Variants in SP140L observed in about 807,000 individuals in gnomAD.
SP140L encodes the protein SP140 like nuclear body protein.
In SP140L, 64 loss-of-function variants were observed where a neutral mutation model predicts 84.3. That is an observed-to-expected ratio of 0.76 (90% CI 0.62 to 0.94). The LOEUF is 0.94. Among genes scored for constraint, SP140L ranks in the 40% least tolerant of loss-of-function variants. The pLI, the probability that SP140L is intolerant of heterozygous loss-of-function variation, is 0.00. For missense variants in SP140L, 628 were observed against 692.5 expected (o/e 0.91, Z 1.05); for synonymous variants, 242 against 236.9 (o/e 1.02, Z -0.20).
chr2:230,376,339 G>A (rs766464611), intron 7 of SP140L, among the ~76,000 whole-genome samples: 4 of 152,170 alleles, frequency 2.6e-5, no homozygotes, highest in Middle Eastern at 3.4e-3. Context: ...TATCTTCTAC[G>A]TAGAAAACCC....
chr2:230,383,121 A>G (rs138310241), intron 7 of SP140L, among the ~76,000 whole-genome samples: 2 of 152,362 alleles, frequency 1.3e-5, no homozygotes, highest in African/African-American at 4.8e-5. Context: ...AATTTCCAGT[A>G]CAGAATATTA....
intron 7 of SP140L, among the ~76,000 whole-genome samples, chr2:230,373,659 A>G (rs1223645172): frequency 6.6e-6 from 1 of 152,244 alleles, no homozygotes; most frequent in Non-Finnish European, 1.5e-5. Flanking sequence ...GGAGGTATAC[A>G]AGGTGATTAA....
At chr2:230,356,169 T>C (rs143173642) in intron 2 of SP140L, among the ~76,000 whole-genome samples, 118 of 152,318 alleles carry the variant, frequency 7.7e-4, no homozygotes, top group Middle Eastern at 3.4e-3. Flanking sequence ...CCATCACTGG[T>C]AGTCTTTGCA....
In SP140L at chr2:230,377,187, G is replaced by A. The variant is rs1037304131; in HGVS notation, c.637+5536G>A. On this transcript the variant is annotated intron_variant, in intron 7 of 18. Coordinates refer to ENST00000415673, the MANE Select transcript of SP140L (RefSeq NM_138402.6). ...ACAACAGCTGATCTGTTTTCTGTTC[G>A]TTTGTCTTTTAAGAAATGAGGCCTC... 5.3e-5 allele frequency among the ~76,000 whole-genome samples: 8 copies of A among 152,032 alleles called. No homozygotes were observed. In the East Asian group the frequency reaches 5.8e-4, roughly 11 times the overall value.
At chr2:230,385,939 G>T (rs910877507) in intron 9 of SP140L, among the ~76,000 whole-genome samples, 6 of 152,320 alleles carry the variant, frequency 3.9e-5, no homozygotes, top group East Asian at 1.9e-4. Flanking sequence ...GTGAGAGAAA[G>T]GGGTGAGATC....
At chr2:230,374,717 A>G (rs115545257) in intron 7 of SP140L, among the ~76,000 whole-genome samples, 2,510 of 152,306 alleles carry the variant, frequency 0.016, 34 homozygotes, top group Middle Eastern at 0.031. Flanking sequence ...ACCCTTTACC[A>G]GCAAAGAAAT....
rs2061538849 is a variant in SP140L, at chr2:230,385,322, C to G, written c.784+18C>G. ...GATTAGGGGTAAGATAAAGTTGGTA[C>G]CACTTTTCATTTGCCCTGCAGGTCA... On this transcript the variant is annotated intron_variant, in intron 9 of 18. Coordinates refer to ENST00000415673, the MANE Select transcript of SP140L (RefSeq NM_138402.6). The G allele has an allele frequency of 6.2e-7, 1 of 1,611,832 alleles. No homozygotes were observed. The highest frequency in any genetic ancestry group is 8.5e-7 in the Non-Finnish European group (1 of 1,178,300).
Position 230,403,129 on chromosome 2 carries a change from T to C in SP140L, c.*233T>C. On this transcript the variant is annotated 3_prime_UTR_variant, in exon 19 of 19. Coordinates refer to ENST00000415673, the MANE Select transcript of SP140L (RefSeq NM_138402.6). The stretch of plus-strand genomic sequence containing the variant: ...TCACAGGGAAGGAGATTGGAGGTGA[T>C]ACCAGCACAGACAGACTCTCACCTC... 7 of 467,452 alleles carry C rather than the reference T, an allele frequency of 1.5e-5. No homozygotes were observed. In the South Asian group the frequency reaches 1.9e-4, roughly 13 times the overall value. 29.0% of individuals were successfully genotyped at this position (467,452 alleles called of 1,614,324 possible).
intron 2 of SP140L, among the ~76,000 whole-genome samples, chr2:230,339,138 G>T (rs2059960955): frequency 6.7e-6 from 1 of 150,272 alleles, no homozygotes; most frequent in South Asian, 2.1e-4. Context: ...GACTCTTTTT[G>T]GTTGGTAAGC....
At chr2:230,329,741 CCT>C (rs1174152722) in intron 2 of SP140L, among the ~76,000 whole-genome samples, 2 of 152,292 alleles carry the variant, frequency 1.3e-5, no homozygotes, top group African/African-American at 4.8e-5. Context: ...GCCAATTAAA[CCT>C]CTTTCGTTTA....
chr2:230,367,569 C>T (rs2060927088), intron 5 of SP140L, among the ~76,000 whole-genome samples: 1 of 152,150 alleles, frequency 6.6e-6, no homozygotes, highest in African/African-American at 2.4e-5. Flanking sequence ...GCTGAAATTA[C>T]AGATGTGAGC....
At chr2:230,358,069 G>A (rs2060604093) in intron 3 of SP140L, 102 bp downstream of exon 3, 4 of 1,373,648 alleles carry the variant, frequency 2.9e-6, no homozygotes, top group African/African-American at 1.4e-5. Context: ...AGAAGCAGAG[G>A]TCACCAGAGA....
chr2:230,337,565 T>C (rs2059915389), intron 2 of SP140L, among the ~76,000 whole-genome samples: 1 of 152,134 alleles, frequency 6.6e-6, no homozygotes, highest in Non-Finnish European at 1.5e-5. Flanking sequence ...ATGAAGTCCT[T>C]GCCCATGCCT....
At chr2:230,388,695 C>T in intron 10 of SP140L, 62 bp downstream of exon 10, 1 of 1,372,646 alleles carries the variant, frequency 7.3e-7, no homozygotes, top group Non-Finnish European at 1.0e-6. Flanking sequence ...GTGCTTTATG[C>T]TGTATTTTCA....
intron 2 of SP140L, among the ~76,000 whole-genome samples, chr2:230,355,194 T>G (rs2060505638): frequency 6.6e-6 from 1 of 152,164 alleles, no homozygotes; most frequent in Admixed American, 6.5e-5. Flanking sequence ...ACATATTTAT[T>G]TTCTTTAAAA....
intron 2 of SP140L, among the ~76,000 whole-genome samples, chr2:230,332,223 T>C (rs901199911): frequency 6.6e-6 from 1 of 152,222 alleles, no homozygotes; most frequent in Non-Finnish European, 1.5e-5. Flanking sequence ...TTACTTTTAT[T>C]AATTTTGATA....
chr2:230,398,423 C>T (rs1296813224), intron 14 of SP140L, among the ~76,000 whole-genome samples: 1 of 152,200 alleles, frequency 6.6e-6, no homozygotes, highest in Non-Finnish European at 1.5e-5. Context: ...AGATAAGAGG[C>T]AGGACTAACT....
intron 8 of SP140L, among the ~76,000 whole-genome samples, chr2:230,384,004 T>A (rs1268448882): frequency 1.3e-5 from 2 of 152,136 alleles, no homozygotes; most frequent in Non-Finnish European, 2.9e-5. Flanking sequence ...TATCTATCAA[T>A]CCTTACATAG....
chr2:230,348,263 G>A (rs773419102), intron 2 of SP140L, among the ~76,000 whole-genome samples: 3 of 152,158 alleles, frequency 2.0e-5, no homozygotes, highest in South Asian at 4.1e-4. Context: ...ACTTGCATGC[G>A]AATATAGTAA....
Sources: gnomAD v4.1 joint callset for allele counts (sites outside exome capture counted in the v4.1 genomes callset) on GRCh38, gnomAD v4.1.1 for gene constraint, MANE v1.5 for transcripts, NCBI Gene and HGNC (gene_info 2026-07-23, HGNC 2026-07-21) for gene names.